BABAM2: variants seen among roughly 807,000 people sequenced by gnomAD.
BABAM2 encodes the protein BRISC and BRCA1-A complex member 2.
Under a neutral mutation model 54.7 loss-of-function variants are expected in BABAM2, and 31 were observed. That is an observed-to-expected ratio of 0.57 (90% confidence interval 0.43 to 0.77). BABAM2 has a LOEUF of 0.77. Ranked by LOEUF, BABAM2 falls within the 30% of genes least tolerant of loss-of-function variation. The pLI, the probability that BABAM2 is intolerant of heterozygous loss-of-function variation, is 0.00. For synonymous variants in BABAM2, 167 were observed against 162.9 expected, an observed-to-expected ratio of 1.03 and a Z score of -0.19; for missense variants, 364 against 455.8, an observed-to-expected ratio of 0.80 and a Z score of 1.83.
chr2:28,226,400 G>C (rs2148027580), intron 7 of BABAM2, among the ~76,000 whole-genome samples: 1 of 151,976 alleles, frequency 6.6e-6, no homozygotes, highest in South Asian at 2.1e-4. Context: ...TATATTCATT[G>C]GACTTTAATA....
intron 7 of BABAM2, among the ~76,000 whole-genome samples, chr2:28,225,640 T>A (rs955346932): frequency 1.3e-5 from 2 of 151,914 alleles, no homozygotes; most frequent in Non-Finnish European, 2.9e-5. Flanking sequence ...TCACCTAACA[T>A]AGAAGTTAAA....
At chr2:28,020,324 C>T (rs1675157036) in intron 4 of BABAM2, among the ~76,000 whole-genome samples, 2 of 151,968 alleles carry the variant, frequency 1.3e-5, no homozygotes, top group South Asian at 4.2e-4. Context: ...GTGAAGTATG[C>T]TATTATGTTT....
chr2:28,016,468 G>A, intron 4 of BABAM2: 1 of 1,240,884 alleles, frequency 8.1e-7, no homozygotes, highest in South Asian at 1.2e-5. Context: ...CTACCCATTT[G>A]TCCCACTTGC....
chr2:27,937,145 T>C (rs1207283436), intron 3 of BABAM2, among the ~76,000 whole-genome samples: 2 of 152,214 alleles, frequency 1.3e-5, no homozygotes, highest in African/African-American at 4.8e-5. Flanking sequence ...ACCCAGAATG[T>C]CTTTGCCTTA....
At chr2:28,089,935 A>G (rs1227619670) in intron 6 of BABAM2, among the ~76,000 whole-genome samples, 1 of 152,008 alleles carries the variant, frequency 6.6e-6, no homozygotes, top group African/African-American at 2.4e-5. Context: ...ATTATTTTAT[A>G]GAAAGATTTA....
At chr2:28,066,414 T>C (rs963189668) in intron 6 of BABAM2, among the ~76,000 whole-genome samples, 3 of 152,220 alleles carry the variant, frequency 2.0e-5, no homozygotes, top group African/African-American at 7.2e-5. Flanking sequence ...AAGTCACTGA[T>C]AGCCTCTTTT....
chr2:27,895,479 A>G (rs1218468783), intron 2 of BABAM2, among the ~76,000 whole-genome samples: 1 of 152,176 alleles, frequency 6.6e-6, no homozygotes, highest in African/African-American at 2.4e-5. Context: ...TTTTTTCCCA[A>G]GTGTAGTACA....
chr2:28,146,062 G>A (rs149412989), intron 7 of BABAM2, among the ~76,000 whole-genome samples: 2,014 of 152,272 alleles, frequency 0.013, 29 homozygotes, highest in South Asian at 0.05. Flanking sequence ...AAGTTTTTGT[G>A]TAAACACATA....
intron 6 of BABAM2, among the ~76,000 whole-genome samples, chr2:28,120,612 G>A (rs1197727670): frequency 6.6e-6 from 1 of 152,200 alleles, no homozygotes; most frequent in African/African-American, 2.4e-5. Context: ...TATACAGCTG[G>A]AAGCTAGTGA....
intron 9 of BABAM2, among the ~76,000 whole-genome samples, chr2:28,242,420 G>GA (rs1423722669): frequency 6.6e-6 from 1 of 152,194 alleles, no homozygotes; most frequent in Non-Finnish European, 1.5e-5. Context: ...AAGTAAGTCA[G>GA]AGGCCTGATC....
chr2:27,966,895 T>C (rs979606771), intron 3 of BABAM2, among the ~76,000 whole-genome samples: 14 of 152,188 alleles, frequency 9.2e-5, no homozygotes, highest in African/African-American at 3.4e-4. Flanking sequence ...AGTTGTAGGA[T>C]AGAAATAGAA....
intron 7 of BABAM2, among the ~76,000 whole-genome samples, chr2:28,132,263 C>T (rs1573647545): frequency 1.3e-5 from 2 of 151,864 alleles, no homozygotes; most frequent in East Asian, 1.9e-4. Flanking sequence ...CTCAGCCTCC[C>T]GAGTAGCTGG....
intron 3 of BABAM2, among the ~76,000 whole-genome samples, chr2:27,968,543 C>T (rs529452581): frequency 1.4e-4 from 21 of 152,280 alleles, no homozygotes; most frequent in East Asian, 3.9e-4. Context: ...ACTGGGGCAC[C>T]GCCTAGTGGA....
intron 7 of BABAM2, among the ~76,000 whole-genome samples, chr2:28,142,230 T>G (rs115427211): frequency 1.8e-4 from 27 of 152,306 alleles, no homozygotes; most frequent in African/African-American, 6.3e-4. Flanking sequence ...ACACGCTGTC[T>G]TTCATTAGCA....
At chr2:28,132,469 C>T (rs1452603632) in intron 7 of BABAM2, among the ~76,000 whole-genome samples, 1 of 152,094 alleles carries the variant, frequency 6.6e-6, no homozygotes, top group African/African-American at 2.4e-5. Flanking sequence ...GAGCTCTCCA[C>T]AGCATACCCT....
intron 9 of BABAM2, among the ~76,000 whole-genome samples, chr2:28,243,706 C>CA (rs57052815): frequency 3.7e-4 from 54 of 147,660 alleles, no homozygotes; most frequent in Admixed American, 8.8e-4. Flanking sequence ...GACTCTGTCT[C>CA]AAAAAAAAAA....
At chr2:27,916,660 C>T (rs1042845209) in intron 2 of BABAM2, among the ~76,000 whole-genome samples, 3 of 152,174 alleles carry the variant, frequency 2.0e-5, no homozygotes, top group Non-Finnish European at 4.4e-5. Context: ...CAGTGCCTGT[C>T]TCTTAGGTTT....
At chr2:28,154,487 C>T (rs1446398574) in intron 7 of BABAM2, among the ~76,000 whole-genome samples, 2 of 152,170 alleles carry the variant, frequency 1.3e-5, no homozygotes, top group Admixed American at 6.5e-5. Context: ...TGAGTGAAAA[C>T]AGCCACATTT....
intron 7 of BABAM2, among the ~76,000 whole-genome samples, chr2:28,182,439 G>A (rs1327905724): frequency 6.6e-6 from 1 of 152,150 alleles, no homozygotes; most frequent in Admixed American, 6.5e-5. Flanking sequence ...AATCATAGCT[G>A]CACAGTGCTG....
Sources: allele counts gnomAD v4.1 joint callset (sites outside exome capture counted in the v4.1 genomes callset), GRCh38; gene constraint gnomAD v4.1.1; transcripts MANE v1.5; gene names NCBI Gene and HGNC (gene_info 2026-07-23, HGNC 2026-07-21).